Variants in RDH8 observed in about 807,000 individuals in gnomAD.
RDH8 encodes the protein retinol dehydrogenase 8, also known as photoreceptor outer segment all-trans retinol dehydrogenase.
A neutral mutation model predicts 22.3 loss-of-function variants in RDH8; 14 were observed. The observed-to-expected ratio is 0.63, with a 90% CI of 0.42 to 0.98. RDH8 has a LOEUF of 0.98. Among genes scored for constraint, RDH8 ranks in the 50% least tolerant of loss-of-function variants. RDH8 has a pLI of 0.00. For synonymous variants in RDH8, 175 were observed against 171.7 expected, an observed-to-expected ratio of 1.02 and a Z score of -0.15; for missense variants, 389 against 409.8, an observed-to-expected ratio of 0.95 and a Z score of 0.44.
chr19:10,017,677 T>G (rs2087629612), intron 2 of RDH8, among the ~76,000 whole-genome samples: 1 of 152,078 alleles, frequency 6.6e-6, no homozygotes, highest in African/African-American at 2.4e-5. Flanking sequence ...AGACGGAGTC[T>G]TGCTCTGCGC....
chr19:10,013,799 G>T (rs1305063688), intron 1 of RDH8, among the ~76,000 whole-genome samples, 199 bp downstream of exon 1: 1 of 152,180 alleles, frequency 6.6e-6, no homozygotes, highest in Non-Finnish European at 1.5e-5. Context: ...AACTGGAGAT[G>T]AAATAGACAA....
At position 10,022,156 on chromosome 19, in the gene RDH8, T is replaced by G; in HGVS notation, c.*407T>G. ...ATAGCCCACCCCCCACCTCCATGCA[T>G]ACACCAGAGCTCTGTGGACCAAGGG... On this transcript the variant is annotated 3_prime_UTR_variant, in exon 6 of 6. Coordinates refer to ENST00000591589, the MANE Select transcript of RDH8 (RefSeq NM_015725.4). 1 of 204,440 alleles carries G rather than the reference T, an allele frequency of 4.9e-6. No homozygotes were observed. Among genetic ancestry groups the G allele is most frequent in the Non-Finnish European group, 9.9e-6 (1 of 100,786 alleles). 12.7% of individuals were successfully genotyped at this position (204,440 alleles called of 1,614,324 possible). A position where few individuals can be genotyped will look rare whatever the true frequency, so the allele number is the denominator to read the frequency against.
rs1479897286 is a variant in RDH8 at position 10,013,611 on chromosome 19, C to G, written c.103+11C>G. 1 of 1,613,832 alleles carries G rather than the reference C, an allele frequency of 6.2e-7. No homozygotes were observed. The highest frequency in any genetic ancestry group is 2.2e-5 in the East Asian group (1 of 44,880). On this transcript the variant is annotated intron_variant, in intron 1 of 5. Transcript: ENST00000591589. ...AGAAGCGCTACCAGGGTAAGAAGTG[C>G]AGGGTGGCACTAGGAGGCAGCCGGG...
intron 3 of RDH8, among the ~76,000 whole-genome samples, chr19:10,019,333 G>A (rs555265465): frequency 1.3e-5 from 2 of 151,938 alleles, no homozygotes; most frequent in Admixed American, 1.3e-4. Flanking sequence ...AAATTAGCCT[G>A]GAGAATTGTG....
intron 1 of RDH8, among the ~76,000 whole-genome samples, chr19:10,015,965 A>AAATATAT (rs1555744167): frequency 6.7e-6 from 1 of 149,610 alleles, no homozygotes. Context: ...TCAAAAAAAA[A>AAATATAT]ATATATATAT....
At chr19:10,020,430 G>A (rs987708797) in intron 3 of RDH8, among the ~76,000 whole-genome samples, 2 of 151,862 alleles carry the variant, frequency 1.3e-5, no homozygotes, top group African/African-American at 4.8e-5. Flanking sequence ...GGATCCCCAA[G>A]CGGCCCCAAA....
intron 1 of RDH8, among the ~76,000 whole-genome samples, chr19:10,015,585 A>G (rs1267761645): frequency 3.3e-5 from 5 of 151,224 alleles, no homozygotes; most frequent in Non-Finnish European, 7.4e-5. Context: ...CTGAGATTTC[A>G]CCACTGTATT....
intron 4 of RDH8, 62 bp downstream of exon 4, chr19:10,020,864 G>A (rs1217732948): frequency 1.6e-6 from 2 of 1,214,152 alleles, no homozygotes; most frequent in East Asian, 2.4e-5. Flanking sequence ...GCATCGAAAG[G>A]GGGAGAGGAG....
intron 1 of RDH8, among the ~76,000 whole-genome samples, chr19:10,014,672 G>A (rs1316532580): frequency 6.6e-6 from 1 of 152,038 alleles, no homozygotes; most frequent in Non-Finnish European, 1.5e-5. Context: ...CCGAGTTTCT[G>A]GGATTAAGGC....
chr19:10,016,926 TA>T (rs1191423763), intron 1 of RDH8, 130 bp from the exon 2 acceptor site: 24 of 958,344 alleles, frequency 2.5e-5, no homozygotes, highest in Non-Finnish European at 3.4e-5. Context: ...GGCTGAGTGA[TA>T]AATGTAGGTG....
rs137987755 is a variant in RDH8 at position 10,013,988 on chromosome 19, T to C, written c.103+388T>C. On this transcript the variant is annotated intron_variant, in intron 1 of 5. Coordinates refer to ENST00000591589, the MANE Select transcript of RDH8 (RefSeq NM_015725.4). ...TTTTAGAAGGGTTTCACTAGGGCAT[T>C]TCCTAGATTGGAATAATCACTACCC... 6.4e-4 allele frequency among the ~76,000 whole-genome samples: 98 copies of C among 152,166 alleles called. No homozygotes were observed. The East Asian group carries it at 0.018, about 28-fold the overall frequency.
chr19:10,019,212 T>C (rs2087640920), intron 3 of RDH8, among the ~76,000 whole-genome samples: 1 of 151,792 alleles, frequency 6.6e-6, no homozygotes, highest in South Asian at 2.1e-4. Context: ...GCACGAGAAT[T>C]CCTTGAACCT....
intron 4 of RDH8, 88 bp from the exon 5 acceptor site, chr19:10,021,167 C>G: frequency 7.8e-7 from 1 of 1,279,476 alleles, no homozygotes; most frequent in Non-Finnish European, 1.1e-6. Context: ...GAGTGAGACC[C>G]TGTATCTTAA....
chr19:10,017,940 C>T (rs915965298), intron 2 of RDH8, among the ~76,000 whole-genome samples: 2 of 151,838 alleles, frequency 1.3e-5, no homozygotes, highest in African/African-American at 4.8e-5. Flanking sequence ...ACCACCACAC[C>T]TGGCCAAAAA....
chr19:10,018,932 C>G, intron 3 of RDH8, 22 bp downstream of exon 3: 1 of 1,573,134 alleles, frequency 6.4e-7, no homozygotes, highest in Non-Finnish European at 8.7e-7. Flanking sequence ...GGACCCAACC[C>G]TGGAAATCCC....
intron 1 of RDH8, among the ~76,000 whole-genome samples, chr19:10,014,677 T>C (rs2087595944): frequency 6.6e-6 from 1 of 152,106 alleles, no homozygotes; most frequent in South Asian, 2.1e-4. Flanking sequence ...TTTCTGGGAT[T>C]AAGGCATGCA....
chr19:10,020,022 T>C (rs2087645770), intron 3 of RDH8, among the ~76,000 whole-genome samples: 1 of 151,718 alleles, frequency 6.6e-6, no homozygotes, highest in Non-Finnish European at 1.5e-5. Context: ...GCACCTGTAG[T>C]CCCAGCTACT....
intron 1 of RDH8, among the ~76,000 whole-genome samples, chr19:10,016,197 A>G (rs996656845): frequency 1.3e-5 from 2 of 150,836 alleles, no homozygotes; most frequent in African/African-American, 4.9e-5. Flanking sequence ...GCCAGGCTGG[A>G]GTGCAGTGGC....
intron 1 of RDH8, among the ~76,000 whole-genome samples, chr19:10,014,966 A>T (rs941843394): frequency 2.0e-5 from 3 of 152,204 alleles, no homozygotes; most frequent in Non-Finnish European, 4.4e-5. Context: ...CATGTTTCCC[A>T]CTATATCACA....
Sources: allele counts gnomAD v4.1 joint callset (sites outside exome capture counted in the v4.1 genomes callset), GRCh38; gene constraint gnomAD v4.1.1; transcripts MANE v1.5; gene names NCBI Gene and HGNC (gene_info 2026-07-23, HGNC 2026-07-21).